Variants in ICA1L observed in about 807,000 individuals in gnomAD.
ICA1L encodes the protein islet cell autoantigen 1 like.
In ICA1L, 50 loss-of-function variants were observed where a neutral mutation model predicts 61.3. That is an observed-to-expected ratio of 0.82 (90% CI 0.65 to 1.03). ICA1L has a LOEUF of 1.03. Ranked by LOEUF, ICA1L falls within the 50% of genes least tolerant of loss-of-function variation. ICA1L has a pLI of 0.00. For missense variants in ICA1L, 508 were observed against 556.7 expected (o/e 0.91, Z 0.88); for synonymous variants, 161 against 191.3 (o/e 0.84, Z 1.31).
At chr2:202,832,874 A>G (rs1028095189) in intron 1 of ICA1L, among the ~76,000 whole-genome samples, 2 of 152,116 alleles carry the variant, frequency 1.3e-5, no homozygotes, top group African/African-American at 4.8e-5. Flanking sequence ...CCAATCTAAA[A>G]ACTGGGGCAA....
chr2:202,815,920 T>A lies in ICA1L; in HGVS notation c.774A>T (p.Val258=), dbSNP rs1693519673. The A allele has an allele frequency of 6.3e-7, 1 of 1,582,366 alleles. No individual in the cohort carries two copies. Among genetic ancestry groups the A allele is most frequent in the Admixed American group, 1.8e-5 (1 of 54,690 alleles). ...ACIGFHPYDF[V]ALKQLQDTPS... ...ATGGAACACAATGTACCTTGAGAGC[T>A]ACAAAATCATACGGATGAAAGCCAA... The change falls in exon 7 of 13, where the codon GTA becomes GTT. Residue 258 remains valine (V), a synonymous_variant. Coordinates refer to ENST00000358299, the MANE Select transcript of ICA1L (RefSeq NM_001288622.3).
chr2:202,825,301 T>C (rs1693809955), intron 3 of ICA1L: 1 of 171,156 alleles, frequency 5.8e-6, no homozygotes, highest in Non-Finnish European at 1.3e-5. Context: ...AGACCCTGTG[T>C]CTACAAAAAA....
At chr2:202,794,921 C>T (rs1258933519) in intron 10 of ICA1L, among the ~76,000 whole-genome samples, 1 of 148,404 alleles carries the variant, frequency 6.7e-6, no homozygotes, top group Non-Finnish European at 1.5e-5. Context: ...AATGTGATTA[C>T]AATAAAGTAT....
chr2:202,820,566 T>C (rs1693672344), intron 4 of ICA1L, among the ~76,000 whole-genome samples: 1 of 152,198 alleles, frequency 6.6e-6, no homozygotes. Context: ...GCCTTTCATT[T>C]GACAAGTTCA....
intron 1 of ICA1L, among the ~76,000 whole-genome samples, chr2:202,846,349 G>A (rs1413553716): frequency 2.0e-5 from 3 of 151,546 alleles, no homozygotes; most frequent in Admixed American, 6.6e-5. Flanking sequence ...TGATCCACAC[G>A]TGCATGCCAT....
At chr2:202,805,654 T>C (rs1465159347) in intron 9 of ICA1L, among the ~76,000 whole-genome samples, 1 of 151,646 alleles carries the variant, frequency 6.6e-6, no homozygotes, top group Admixed American at 6.6e-5. Context: ...ACCAAAAATA[T>C]TCAATAGAGA....
In ICA1L at chr2:202,779,239, T is replaced by C. The variant is rs2105812230; in HGVS notation, c.*294A>G. 1 of 282,342 alleles carries C rather than the reference T, an allele frequency of 3.5e-6. No homozygotes were observed. The highest frequency in any genetic ancestry group is 1.4e-4 in the South Asian group (1 of 6,920). The allele number at this position is 282,342 out of a possible 1,614,324, so 17.5% of individuals were successfully genotyped here. A position where few individuals can be genotyped will look rare whatever the true frequency, so the allele number is the denominator to read the frequency against. Reference sequence around the variant, plus strand: ...ATATTGACAGAATTATTCCTAGCCGTTATTTTGACATAAATTTCAGTATCT... The same window carrying C: ...ATATTGACAGAATTATTCCTAGCCGCTATTTTGACATAAATTTCAGTATCT... On this transcript the variant is annotated 3_prime_UTR_variant, in exon 13 of 13. Coordinates refer to ENST00000358299, the MANE Select transcript of ICA1L (RefSeq NM_001288622.3).
chr2:202,815,925 A>G lies in ICA1L; in HGVS notation c.769T>C (p.Phe257Leu). The G allele has an allele frequency of 1.9e-6, 3 of 1,588,312 alleles. No homozygotes were observed. The highest frequency in any genetic ancestry group is 1.7e-6 in the Non-Finnish European group (2 of 1,168,710). ...EACIGFHPYD[F>L]VALKQLQDTP... The stretch of plus-strand genomic sequence containing the variant: ...ACACAATGTACCTTGAGAGCTACAA[A>G]ATCATACGGATGAAAGCCAATACAG... The change falls in exon 7 of 13, where the codon TTT becomes CTT. Residue 257 changes from phenylalanine (F) to leucine (L), a missense_variant. Transcript: ENST00000358299.
intron 1 of ICA1L, among the ~76,000 whole-genome samples, chr2:202,848,266 C>G (rs1191371995): frequency 6.6e-6 from 1 of 152,104 alleles, no homozygotes; most frequent in Admixed American, 6.6e-5. Flanking sequence ...CCCAGCCAAA[C>G]AGCATATTTT....
intron 1 of ICA1L, among the ~76,000 whole-genome samples, chr2:202,832,433 C>CAA (rs1694039154): frequency 4.5e-5 from 1 of 22,338 alleles, no homozygotes; most frequent in African/African-American, 1.4e-4. Context: ...GAGACTCCGT[C>CAA]ACAAAAAAAA....
chr2:202,811,036 G>A (rs1175648639), intron 9 of ICA1L, among the ~76,000 whole-genome samples: 2 of 152,146 alleles, frequency 1.3e-5, no homozygotes, highest in African/African-American at 4.8e-5. Context: ...GTCTCACCCT[G>A]CCTCCATTTA....
intron 5 of ICA1L, 42 bp downstream of exon 5, chr2:202,819,659 T>C: frequency 7.1e-7 from 1 of 1,404,298 alleles, no homozygotes; most frequent in Non-Finnish European, 1.0e-6. Flanking sequence ...GGCAGTTTCA[T>C]ATTTCATACA....
chr2:202,781,341 G>A (rs1574319382), intron 12 of ICA1L, among the ~76,000 whole-genome samples: 1 of 152,158 alleles, frequency 6.6e-6, no homozygotes, highest in East Asian at 1.9e-4. Context: ...GGGAGGCTGA[G>A]GTGTGCAGAT....
intron 1 of ICA1L, among the ~76,000 whole-genome samples, chr2:202,831,253 G>C (rs780853635): frequency 6.6e-6 from 1 of 152,072 alleles, no homozygotes; most frequent in Non-Finnish European, 1.5e-5. Flanking sequence ...AATTTCTCTG[G>C]ACATAATTTG....
intron 9 of ICA1L, among the ~76,000 whole-genome samples, chr2:202,799,066 ATAC>A (rs1403510156): frequency 1.3e-5 from 2 of 152,204 alleles, no homozygotes; most frequent in Non-Finnish European, 2.9e-5. Context: ...GCTATTATGA[ATAC>A]TAATGCAATA....
chr2:202,792,167 C>CA (rs1559128756), intron 10 of ICA1L, among the ~76,000 whole-genome samples: 1 of 152,018 alleles, frequency 6.6e-6, no homozygotes, highest in South Asian at 2.1e-4. Flanking sequence ...GACTCCATCT[C>CA]AAAAAATAAA....
chr2:202,802,782 G>C (rs1293018358), intron 9 of ICA1L, among the ~76,000 whole-genome samples: 1 of 151,954 alleles, frequency 6.6e-6, no homozygotes. Flanking sequence ...AAACAAGAAT[G>C]ATGTTCTAAT....
At chr2:202,859,016 T>A (rs1052673543) in intron 1 of ICA1L, among the ~76,000 whole-genome samples, 5 of 152,216 alleles carry the variant, frequency 3.3e-5, no homozygotes, top group African/African-American at 1.2e-4. Context: ...TAATCTTTCA[T>A]CAACCGCCCA....
intron 5 of ICA1L, among the ~76,000 whole-genome samples, chr2:202,817,822 A>G (rs983603588): frequency 6.6e-6 from 1 of 152,192 alleles, no homozygotes; most frequent in Non-Finnish European, 1.5e-5. Context: ...AAGTATTCCA[A>G]ATAAAAAGAA....
Sources: allele counts gnomAD v4.1 joint callset (sites outside exome capture counted in the v4.1 genomes callset), GRCh38; gene constraint gnomAD v4.1.1; transcripts MANE v1.5; gene names NCBI Gene and HGNC (gene_info 2026-07-23, HGNC 2026-07-21).